The following OTOGL variants were observed in gnomAD, a reference collection of about 807,000 sequenced individuals.
OTOGL encodes otogelin-like protein.
A neutral mutation model predicts 318.5 loss-of-function variants in OTOGL; 285 were observed. That is an observed-to-expected ratio of 0.89 (90% CI 0.81 to 0.99). OTOGL has a LOEUF of 0.99. Ranked by LOEUF, OTOGL falls within the 50% of genes least tolerant of loss-of-function variation. The pLI, the probability that OTOGL is intolerant of heterozygous loss-of-function variation, is 0.00. For missense variants in OTOGL, 2,899 were observed against 2,845.6 expected (o/e 1.02, Z -0.43); for synonymous variants, 987 against 936.5 (o/e 1.05, Z -0.99).
chr12:80,155,803 ACT>A (rs1176618146), intron 1 of OTOGL, among the ~76,000 whole-genome samples: 1 of 151,726 alleles, frequency 6.6e-6, no homozygotes, highest in Non-Finnish European at 1.5e-5. Context: ...CCATCCTTCT[ACT>A]CTCTATCTCC....
chr12:80,297,331 CTTTTTTTT>C lies in OTOGL; in HGVS notation c.3063+381_3063+388del, dbSNP rs5799464. ...CATAGGTAGTTTTATTTGTATATGT[CTTTTTTTT>C]TTTTTTTTTTGAGACAGAGTCTCAC... On this transcript the variant is annotated intron_variant, in intron 27 of 58. Transcript: ENST00000547103. 9.9e-5 allele frequency among the ~76,000 whole-genome samples: 14 copies of C among 140,730 alleles called. No homozygotes were observed. In the East Asian group the frequency reaches 3.0e-3, roughly 30 times the overall value. The allele number at this position is 140,730 out of a possible 152,430, so 92.3% of individuals were successfully genotyped here.
At chr12:80,148,242 A>G (rs950247393) in intron 1 of OTOGL, among the ~76,000 whole-genome samples, 3 of 146,768 alleles carry the variant, frequency 2.0e-5, no homozygotes, top group Non-Finnish European at 4.5e-5. Context: ...CTTGTAGGGC[A>G]GGTCCGGTGG....
chr12:80,241,832 G>C (rs1264748730), intron 11 of OTOGL, among the ~76,000 whole-genome samples: 1 of 152,040 alleles, frequency 6.6e-6, no homozygotes, highest in Non-Finnish European at 1.5e-5. Context: ...GTTTTCCAGT[G>C]ACTGAATGAT....
chr12:80,199,375 A>G (rs1427564332), intron 1 of OTOGL, among the ~76,000 whole-genome samples: 1 of 152,194 alleles, frequency 6.6e-6, no homozygotes, highest in Admixed American at 6.5e-5. Context: ...CTTTCCTGCA[A>G]GGCCCTTTCA....
chr12:80,189,814 C>A (rs760061768), intron 1 of OTOGL, among the ~76,000 whole-genome samples: 10 of 152,104 alleles, frequency 6.6e-5, no homozygotes, highest in Non-Finnish European at 1.2e-4. Flanking sequence ...GTCTTCTTTG[C>A]GCAGGAGTAA....
At chr12:80,167,627 T>A (rs1408928735) in intron 1 of OTOGL, among the ~76,000 whole-genome samples, 1 of 152,124 alleles carries the variant, frequency 6.6e-6, no homozygotes, top group African/African-American at 2.4e-5. Flanking sequence ...TGGCCAAAAA[T>A]TATTTTGAAA....
At position 80,378,159 on chromosome 12, in the gene OTOGL, T is replaced by C; in HGVS notation, c.*111T>C. The C allele has an allele frequency of 1.2e-6, 1 of 810,596 alleles. No individual in the cohort carries two copies. The highest frequency in any genetic ancestry group is 1.9e-6 in the Non-Finnish European group (1 of 536,954). 50.2% of individuals were successfully genotyped at this position (810,596 alleles called of 1,614,324 possible). A position where few individuals can be genotyped will look rare whatever the true frequency, so the allele number is the denominator to read the frequency against. On this transcript the variant is annotated 3_prime_UTR_variant, in exon 59 of 59. Coordinates refer to ENST00000547103, the MANE Select transcript of OTOGL (RefSeq NM_001378609.3). ...TTATGCTGTTTAACAATACTGTATT[T>C]TTCAGACTTGGAATGTGGAAATTTA...
At chr12:80,108,011 C>T (rs137957719) in intron 1 of OTOGL, among the ~76,000 whole-genome samples, 90 of 152,082 alleles carry the variant, frequency 5.9e-4, no homozygotes, top group African/African-American at 2.1e-3. Flanking sequence ...GTTTATTACC[C>T]ACATGATGAA....
At chr12:80,249,146 A>G (rs1881218508) in intron 11 of OTOGL, among the ~76,000 whole-genome samples, 2 of 147,380 alleles carry the variant, frequency 1.4e-5, no homozygotes, top group South Asian at 2.1e-4. Flanking sequence ...TGATCGTCTG[A>G]AGCCTTCTTC....
Position 80,232,916 on chromosome 12 carries a change from A to G in OTOGL, c.636A>G (p.Gly212=). The G allele has an allele frequency of 6.3e-7, 1 of 1,598,876 alleles. No homozygotes were observed. The highest frequency in any genetic ancestry group is 8.5e-7 in the Non-Finnish European group (1 of 1,179,312). The change falls in exon 9 of 59, where the codon GGA becomes GGG. Residue 212 remains glycine, a synonymous_variant. Transcript: ENST00000547103. The part of the protein sequence containing the change: ...GISLTLPQTI[G]QIFIEKLADY... ...GTTTAACATTGCCTCAGACAATTGG[A>G]CAGATTTTCATTGAGAAACTAGCTG...
At chr12:80,190,816 A>G (rs1278743130) in intron 1 of OTOGL, among the ~76,000 whole-genome samples, 2 of 143,744 alleles carry the variant, frequency 1.4e-5, no homozygotes, top group South Asian at 2.3e-4. Flanking sequence ...AAAAAAAAAA[A>G]GAGTGAATCC....
intron 29 of OTOGL, among the ~76,000 whole-genome samples, chr12:80,306,816 TTA>T (rs747084797): frequency 0.12 from 17,720 of 148,646 alleles, 1,147 homozygotes; most frequent in Middle Eastern, 0.17. Flanking sequence ...ATTATTATTA[TTA>T]TTTTTTAATT....
intron 26 of OTOGL, among the ~76,000 whole-genome samples, chr12:80,295,238 G>T (rs932637173): frequency 7.0e-6 from 1 of 142,034 alleles, no homozygotes; most frequent in Admixed American, 7.6e-5. Context: ...GTGCAGTGGC[G>T]TGGTCTCAGC....
intron 53 of OTOGL, among the ~76,000 whole-genome samples, chr12:80,367,124 G>A (rs1272337273): frequency 7.0e-6 from 1 of 142,282 alleles, no homozygotes; most frequent in African/African-American, 2.6e-5. Flanking sequence ...CTACAGACAT[G>A]CACCACCATA....
chr12:80,120,706 G>A (rs1171302753), intron 1 of OTOGL, among the ~76,000 whole-genome samples: 1 of 152,156 alleles, frequency 6.6e-6, no homozygotes, highest in Non-Finnish European at 1.5e-5. Context: ...AAGCTGACTT[G>A]TTAAAAGATT....
chr12:80,366,335 A>G (rs1890527430), intron 52 of OTOGL: 1 of 458,228 alleles, frequency 2.2e-6, no homozygotes, highest in South Asian at 1.6e-5. Context: ...GAACATTTCC[A>G]TGAAGCAAAG....
intron 29 of OTOGL, among the ~76,000 whole-genome samples, chr12:80,307,216 C>T (rs1318703545): frequency 6.0e-5 from 9 of 150,870 alleles, no homozygotes; most frequent in Non-Finnish European, 1.3e-4. Context: ...TCTTTCTACA[C>T]AGACACGGCA....
chr12:80,317,351 G>T (rs1398308619), intron 32 of OTOGL, among the ~76,000 whole-genome samples: 1 of 152,102 alleles, frequency 6.6e-6, no homozygotes, highest in Admixed American at 6.6e-5. Flanking sequence ...AAATAGTCCA[G>T]AATCAAGCTA....
At chr12:80,128,056 C>T (rs1204207681) in intron 1 of OTOGL, among the ~76,000 whole-genome samples, 1 of 152,230 alleles carries the variant, frequency 6.6e-6, no homozygotes, top group Non-Finnish European at 1.5e-5. Context: ...AGTCATTTTC[C>T]ATCCAGCTTT....
Sources: gnomAD v4.1 joint callset for allele counts (sites outside exome capture counted in the v4.1 genomes callset) on GRCh38, gnomAD v4.1.1 for gene constraint, MANE v1.5 for transcripts, NCBI Gene and HGNC (gene_info 2026-07-23, HGNC 2026-07-21) for gene names.